GALNT13: variants seen among roughly 807,000 people sequenced by gnomAD.
GALNT13 encodes the protein polypeptide N-acetylgalactosaminyltransferase 13, also known as UDP-GalNAc:polypeptide N-acetylgalactosaminyltransferase 13.
A neutral mutation model predicts 64.2 loss-of-function variants in GALNT13; 28 were observed. The observed-to-expected ratio is 0.44, with a 90% CI of 0.32 to 0.60. The LOEUF is 0.60. GALNT13 is among the 20% of genes least tolerant of loss of function. GALNT13 has a pLI of 0.05. For missense variants in GALNT13, 577 were observed against 669.8 expected, an observed-to-expected ratio of 0.86 and a Z score of 1.53; for synonymous variants, 214 against 224.6, an observed-to-expected ratio of 0.95 and a Z score of 0.42.
intron 9 of GALNT13, among the ~76,000 whole-genome samples, chr2:154,381,512 G>C (rs1238876658): frequency 6.6e-6 from 1 of 152,066 alleles, no homozygotes; most frequent in Non-Finnish European, 1.5e-5. Context: ...TTAAGCTGAT[G>C]AGGAAAGAAA....
intron 3 of GALNT13, among the ~76,000 whole-genome samples, chr2:153,964,140 G>A (rs140762528): frequency 6.6e-6 from 1 of 152,176 alleles, no homozygotes; most frequent in Non-Finnish European, 1.5e-5. Flanking sequence ...AAAGGCATGA[G>A]TTTTAGAAAT....
chr2:153,779,737 T>C, the GALNT13 span, among the ~76,000 whole-genome samples: 2 of 152,146 alleles, frequency 1.3e-5, no homozygotes, highest in Non-Finnish European at 2.9e-5. Context: ...ATGGTTTTAC[T>C]AGAGACCACA....
At chr2:154,382,390 T>G (rs1698314120) in intron 9 of GALNT13, among the ~76,000 whole-genome samples, 1 of 152,132 alleles carries the variant, frequency 6.6e-6, no homozygotes, top group Non-Finnish European at 1.5e-5. Flanking sequence ...TAGTGATTAC[T>G]GAGAAGTTCT....
In GALNT13 at chr2:153,949,399, G is replaced by C. The variant is rs137992859; in HGVS notation, c.142+4760G>C. ...GTATTAGATAAAATTTCTCAAGCCA[G>C]GCATGGTGGTGTGTGCCTGTAATCC... On this transcript the variant is annotated intron_variant, in intron 3 of 12. Coordinates refer to ENST00000392825, the MANE Select transcript of GALNT13 (RefSeq NM_052917.4). Among the ~76,000 whole-genome samples the C allele has an allele frequency of 2.7e-3, 418 of 152,084 alleles. 4 individuals carry two copies. The highest frequency in any genetic ancestry group is 9.2e-3 in the African/African-American group (382 of 41,516).
chr2:153,280,499 T>C, the GALNT13 span, among the ~76,000 whole-genome samples: 1 of 152,142 alleles, frequency 6.6e-6, no homozygotes, highest in African/African-American at 2.4e-5. Context: ...CAGGTAGCTG[T>C]TTAGCACTAC....
the GALNT13 span, among the ~76,000 whole-genome samples, chr2:153,752,788 TC>T: frequency 6.6e-6 from 1 of 152,180 alleles, no homozygotes; most frequent in African/African-American, 2.4e-5. Context: ...GATATCTTTC[TC>T]TAGGTTTGGG....
At chr2:153,361,348 G>A in the GALNT13 span, among the ~76,000 whole-genome samples, 1 of 152,046 alleles carries the variant, frequency 6.6e-6, no homozygotes, top group Admixed American at 6.6e-5. Context: ...CGAGGGCACA[G>A]AACTATACAG....
chr2:153,414,677 G>T, the GALNT13 span, among the ~76,000 whole-genome samples: 1 of 152,126 alleles, frequency 6.6e-6, no homozygotes, highest in South Asian at 2.1e-4. Context: ...ACTTTAACAA[G>T]TAAGAGATTA....
chr2:153,921,467 G>A (rs1394745620), intron 2 of GALNT13, among the ~76,000 whole-genome samples: 3 of 152,134 alleles, frequency 2.0e-5, no homozygotes, highest in Non-Finnish European at 4.4e-5. Flanking sequence ...CTGCTTGAGG[G>A]TGGAGTCTTG....
At chr2:154,082,338 C>T (rs1390539039) in intron 3 of GALNT13, among the ~76,000 whole-genome samples, 1 of 151,556 alleles carries the variant, frequency 6.6e-6, no homozygotes, top group Non-Finnish European at 1.5e-5. Flanking sequence ...TTCTATATGA[C>T]ATTAAAAATC....
chr2:154,239,737 T>C (rs1689380996), intron 4 of GALNT13, among the ~76,000 whole-genome samples: 1 of 152,196 alleles, frequency 6.6e-6, no homozygotes, highest in Non-Finnish European at 1.5e-5. Flanking sequence ...TAAATCTTTT[T>C]CAAATAAATG....
chr2:153,729,933 T>C, the GALNT13 span, among the ~76,000 whole-genome samples: 1 of 150,542 alleles, frequency 6.6e-6, no homozygotes, highest in South Asian at 2.1e-4. Context: ...AACGAAATTA[T>C]AGATGACACA....
chr2:153,211,646 G>T, the GALNT13 span, among the ~76,000 whole-genome samples: 2 of 152,248 alleles, frequency 1.3e-5, no homozygotes, highest in South Asian at 2.1e-4. Flanking sequence ...TTAAATGTGG[G>T]TGTCTAAGAA....
chr2:153,366,847 A>G, the GALNT13 span, among the ~76,000 whole-genome samples: 1 of 152,040 alleles, frequency 6.6e-6, no homozygotes, highest in Non-Finnish European at 1.5e-5. Flanking sequence ...CAAAATTAGC[A>G]TTGCTTACAG....
At chr2:154,020,882 G>T (rs1021220547) in intron 3 of GALNT13, among the ~76,000 whole-genome samples, 1 of 152,182 alleles carries the variant, frequency 6.6e-6, no homozygotes, top group Admixed American at 6.5e-5. Context: ...TTTGTATAAG[G>T]TGTAAGGAAG....
chr2:153,399,790 G>C, the GALNT13 span, among the ~76,000 whole-genome samples: 1 of 152,266 alleles, frequency 6.6e-6, no homozygotes, highest in East Asian at 1.9e-4. Context: ...CTGGGACTTT[G>C]CTGAAGTTGC....
chr2:153,785,263 C>A, the GALNT13 span, among the ~76,000 whole-genome samples: 27 of 152,164 alleles, frequency 1.8e-4, no homozygotes. Context: ...GTCCCTAATC[C>A]TGTTTCTCCT....
the GALNT13 span, among the ~76,000 whole-genome samples, chr2:153,309,130 A>G: frequency 6.6e-6 from 1 of 152,152 alleles, no homozygotes; most frequent in Non-Finnish European, 1.5e-5. Flanking sequence ...TGGTATTCTG[A>G]AGCTATTATC....
chr2:153,545,753 G>A, the GALNT13 span, among the ~76,000 whole-genome samples: 13 of 152,110 alleles, frequency 8.5e-5, no homozygotes, highest in Non-Finnish European at 1.6e-4. Flanking sequence ...GTCATAGTGG[G>A]ATCTGTCCCA....
Sources: gnomAD v4.1 joint callset for allele counts (sites outside exome capture counted in the v4.1 genomes callset) on GRCh38, gnomAD v4.1.1 for gene constraint, MANE v1.5 for transcripts, NCBI Gene and HGNC (gene_info 2026-07-23, HGNC 2026-07-21) for gene names.